Variants in DOCK7 observed in about 807,000 individuals in gnomAD.
The protein encoded by DOCK7 is dedicator of cytokinesis 7.
Under a neutral mutation model 271.0 loss-of-function variants are expected in DOCK7, and 138 were observed. That is an observed-to-expected ratio of 0.51 (90% CI 0.44 to 0.59). DOCK7 has a LOEUF of 0.59. DOCK7 is among the 20% of genes least tolerant of loss of function. DOCK7 has a pLI of 0.00. For synonymous variants in DOCK7, 823 were observed against 876.1 expected, an observed-to-expected ratio of 0.94 and a Z score of 1.07; for missense variants, 2,066 against 2,592.4, an observed-to-expected ratio of 0.80 and a Z score of 4.41.
chr1:62,508,653 T>A (rs1644385831), intron 34 of DOCK7, among the ~76,000 whole-genome samples: 1 of 152,192 alleles, frequency 6.6e-6, no homozygotes, highest in Admixed American at 6.5e-5. Flanking sequence ...GTGGTAATCA[T>A]TTCACAATTG....
At chr1:62,480,800 G>C (rs1194838185) in intron 43 of DOCK7, among the ~76,000 whole-genome samples, 1 of 152,182 alleles carries the variant, frequency 6.6e-6, no homozygotes, top group East Asian at 1.9e-4. Flanking sequence ...ACGAGGTCAG[G>C]AGATCGAGAC....
At chr1:62,546,146 T>C (rs1189960975) in intron 22 of DOCK7, among the ~76,000 whole-genome samples, 1 of 152,180 alleles carries the variant, frequency 6.6e-6, no homozygotes. Context: ...CAACTCTGTC[T>C]AGATATTAGT....
chr1:62,604,140 A>G (rs1421296766), intron 14 of DOCK7: 1 of 1,613,416 alleles, frequency 6.2e-7, no homozygotes, highest in Admixed American at 1.7e-5. Context: ...ATTACTGGCA[A>G]TGTCCCCAAT....
chr1:62,455,448 A>G lies in DOCK7; in HGVS notation c.6389T>C (p.Phe2130Ser). ...VLPVTCHRDS[F>S]SRMSLRKMDL ...CATTTTGCGAAGGCTCATTCGACTG[A>G]AGGAATCTCTGGGAAAAAAATGAGA... Residue 2130 changes from phenylalanine (F) to serine (S), a missense_variant, in exon 50 of 50, where the codon TTC becomes TCC. By Grantham distance (155) the Phe-to-Ser change is radical. Around this residue, in one of 2 missense-constraint regions of DOCK7, gnomAD observed 652 missense variants for 922.1 expected, o/e 0.71. Transcript: ENST00000635253. 2 of 1,613,668 alleles carry G rather than the reference A, an allele frequency of 1.2e-6. No individual in the cohort carries two copies. The highest frequency in any genetic ancestry group is 2.7e-5 in the African/African-American group (2 of 75,042).
intron 34 of DOCK7, among the ~76,000 whole-genome samples, chr1:62,508,526 A>T (rs1366578210): frequency 6.6e-6 from 1 of 152,092 alleles, no homozygotes; most frequent in Non-Finnish European, 1.5e-5. Flanking sequence ...TTTTATATAA[A>T]TATGCTCAGA....
chr1:62,548,570 A>G (rs1645790043), intron 22 of DOCK7, among the ~76,000 whole-genome samples: 1 of 151,874 alleles, frequency 6.6e-6, no homozygotes, highest in South Asian at 2.1e-4. Flanking sequence ...ACAGGCATGC[A>G]CCACCACACC....
rs547346731 is a variant in DOCK7, at chr1:62,547,031, A to G, written c.2767-1992T>C. On this transcript the variant is annotated intron_variant, in intron 22 of 49. Coordinates refer to ENST00000635253, the MANE Select transcript of DOCK7 (RefSeq NM_001367561.1). ...TCTCTCATGAATTTCCACAAAAAGA[A>G]TAAGAACTTTGCTGTACTCTTAAAT... 6.0e-4 allele frequency among the ~76,000 whole-genome samples: 92 copies of G among 152,298 alleles called. No individual in the cohort carries two copies. In the Middle Eastern group the frequency reaches 0.017, roughly 28 times the overall value.
At position 62,619,828 on chromosome 1, in the gene DOCK7, A is replaced by G. The variant is rs550087944; in HGVS notation, c.1519+72T>C. On this transcript the variant is annotated intron_variant, in intron 13 of 49. Transcript: ENST00000635253. ...CCAGATAAATAAAAAAAAAAGATAC[A>G]TAATTATAAGCAATACAACATAGTA... is the stretch of plus-strand genomic sequence containing the variant. 5.9e-5 allele frequency: 55 copies of G among 928,096 alleles called. No individual in the cohort carries two copies. The African/African-American group carries it at 8.8e-4, about 15-fold the overall frequency. The allele number at this position is 928,096 out of a possible 1,614,324, so 57.5% of individuals were successfully genotyped here.
At chr1:62,498,312 T>C (rs1452268590) in intron 37 of DOCK7, among the ~76,000 whole-genome samples, 4 of 152,176 alleles carry the variant, frequency 2.6e-5, no homozygotes, top group Admixed American at 2.6e-4. Flanking sequence ...ATTATGTATG[T>C]GTCATTATCT....
chr1:62,592,778 A>G (rs895083350), intron 14 of DOCK7, among the ~76,000 whole-genome samples: 38 of 152,146 alleles, frequency 2.5e-4, no homozygotes, highest in African/African-American at 9.2e-4. Flanking sequence ...GTAAAAGGAT[A>G]TAGGAAAAGA....
intron 49 of DOCK7, among the ~76,000 whole-genome samples, chr1:62,456,989 G>A (rs4350231): frequency 0.33 from 50,426 of 151,896 alleles, 8,485 homozygotes; most frequent in South Asian, 0.43. Flanking sequence ...CCAGAATTCC[G>A]GTACTATAAA....
intron 1 of DOCK7, 87 bp downstream of exon 1, chr1:62,688,139 AC>A (rs1662052391): frequency 3.3e-6 from 4 of 1,207,576 alleles, no homozygotes; most frequent in East Asian, 3.7e-5. Context: ...GCCCCGCCAC[AC>A]CCACCCGCCT....
intron 31 of DOCK7, among the ~76,000 whole-genome samples, chr1:62,521,510 T>C (rs1644849832): frequency 2.0e-5 from 3 of 152,146 alleles, no homozygotes; most frequent in African/African-American, 4.8e-5. Flanking sequence ...ATTTCGACTG[T>C]CTGGTAAGAC....
chr1:62,491,628 T>C (rs1197222063), intron 41 of DOCK7, among the ~76,000 whole-genome samples: 2 of 152,210 alleles, frequency 1.3e-5, no homozygotes, highest in Non-Finnish European at 2.9e-5. Context: ...AACTACCTAA[T>C]GAGGATTACT....
intron 1 of DOCK7, among the ~76,000 whole-genome samples, chr1:62,673,030 T>C (rs1182963528): frequency 6.6e-6 from 1 of 152,176 alleles, no homozygotes; most frequent in Non-Finnish European, 1.5e-5. Flanking sequence ...CCTTCATGTA[T>C]GGCTAAATAA....
At chr1:62,646,073 G>C (rs979757432) in intron 7 of DOCK7, among the ~76,000 whole-genome samples, 4 of 151,820 alleles carry the variant, frequency 2.6e-5, no homozygotes, top group Non-Finnish European at 5.9e-5. Context: ...CTTGAACCCG[G>C]GAGGCGGAGG....
At chr1:62,525,010 C>T (rs1430556678) in intron 31 of DOCK7, among the ~76,000 whole-genome samples, 1 of 144,952 alleles carries the variant, frequency 6.9e-6, no homozygotes, top group Admixed American at 7.0e-5. Context: ...AACTCTCTAT[C>T]TATACATTTT....
intron 22 of DOCK7, among the ~76,000 whole-genome samples, chr1:62,547,640 T>G (rs1379414774): frequency 6.6e-6 from 1 of 152,192 alleles, no homozygotes; most frequent in East Asian, 1.9e-4. Flanking sequence ...AACGTATCAG[T>G]GCAAAATTCC....
intron 1 of DOCK7, among the ~76,000 whole-genome samples, chr1:62,666,132 C>T (rs990532218): frequency 2.0e-5 from 3 of 152,086 alleles, no homozygotes; most frequent in African/African-American, 7.2e-5. Flanking sequence ...CCACTGCACT[C>T]CAGCCTGGGC....
Sources: allele counts gnomAD v4.1 joint callset (sites outside exome capture counted in the v4.1 genomes callset), GRCh38; gene constraint gnomAD v4.1.1; regional missense constraint gnomAD v4.1.1; transcripts MANE v1.5; gene names NCBI Gene and HGNC (gene_info 2026-07-23, HGNC 2026-07-21).